Variants in DGKB observed in about 807,000 individuals in gnomAD.
DGKB encodes diacylglycerol kinase beta.
A neutral mutation model predicts 114.3 loss-of-function variants in DGKB; 67 were observed. The observed-to-expected ratio is 0.59, with a 90% confidence interval of 0.48 to 0.72. The LOEUF (loss-of-function observed/expected upper bound fraction) is 0.72. Ranked by LOEUF, DGKB falls within the 30% of genes least tolerant of loss-of-function variation. The probability of loss-of-function intolerance (pLI) is 0.00; values close to 1 mark genes in which losing one functional copy is unlikely to be tolerated. For missense variants in DGKB, 907 were observed against 975.2 expected, an observed-to-expected ratio of 0.93 and a Z score of 0.93; for synonymous variants, 398 against 323.1, an observed-to-expected ratio of 1.23 and a Z score of -2.49.
In DGKB at chr7:14,379,725, A is replaced by AT. The variant is rs539047920; in HGVS notation, c.1836-34335dup. On this transcript the variant is annotated intron_variant, in intron 21 of 25. Transcript: ENST00000402815. ...CAGGCACGTGCCACCACGCCAGCTA[A>AT]TTTTTTGTATTTTTAGTAGTGACGG... is the stretch of plus-strand genomic sequence containing the variant. 1.2e-4 allele frequency among the ~76,000 whole-genome samples: 19 copies of AT among 152,102 alleles called. 1 individual carries two copies. In the East Asian group the frequency reaches 1.6e-3, roughly 12 times the overall value.
At chr7:14,330,060 T>C (rs1200845545) in intron 23 of DGKB, among the ~76,000 whole-genome samples, 1 of 151,972 alleles carries the variant, frequency 6.6e-6, no homozygotes, top group Non-Finnish European at 1.5e-5. Flanking sequence ...ATTAAAGCAT[T>C]TGTATTTTCT....
intron 2 of DGKB, among the ~76,000 whole-genome samples, chr7:14,822,609 G>A (rs1845096867): frequency 6.6e-6 from 1 of 152,104 alleles, no homozygotes; most frequent in Non-Finnish European, 1.5e-5. Context: ...GAGTAGATAT[G>A]TTTGGTCAAG....
intron 17 of DGKB, among the ~76,000 whole-genome samples, chr7:14,586,909 G>A (rs910059744): frequency 2.0e-5 from 3 of 151,792 alleles, no homozygotes; most frequent in Non-Finnish European, 2.9e-5. Flanking sequence ...AATGTACCTG[G>A]TCACCCAATA....
intron 21 of DGKB, among the ~76,000 whole-genome samples, chr7:14,419,787 T>C (rs1019191765): frequency 6.6e-6 from 1 of 151,956 alleles, no homozygotes; most frequent in Non-Finnish European, 1.5e-5. Context: ...ATGTGACAAA[T>C]GAGTGTAAAA....
rs148596942 is a variant in DGKB at position 14,841,863 on chromosome 7, G to T, written c.-187-413C>A. On this transcript the variant is annotated intron_variant, in intron 1 of 25. Coordinates refer to ENST00000402815, the MANE Select transcript of DGKB (RefSeq NM_001350709.2). ...TCCAATCATATGAATTAATTTTGGA[G>T]AAGTCATATAATTTGTTCTAGCAAT... Among the ~76,000 whole-genome samples the T allele has an allele frequency of 3.0e-3, 458 of 152,248 alleles. 3 individuals are homozygous for T. Among genetic ancestry groups the T allele is most frequent in the Non-Finnish European group, 4.7e-3 (321 of 68,020 alleles).
At chr7:14,884,918 T>C (rs1338212617) in intron 1 of DGKB, among the ~76,000 whole-genome samples, 2 of 151,944 alleles carry the variant, frequency 1.3e-5, no homozygotes, top group Non-Finnish European at 2.9e-5. Context: ...AAGCCTGCTT[T>C]CCTTAAATCA....
chr7:14,371,637 G>T (rs917598592), intron 21 of DGKB, among the ~76,000 whole-genome samples: 1 of 151,926 alleles, frequency 6.6e-6, no homozygotes, highest in Non-Finnish European at 1.5e-5. Flanking sequence ...CCATCCTGTA[G>T]GTTGATAGTT....
intron 21 of DGKB, among the ~76,000 whole-genome samples, chr7:14,399,599 G>A (rs772438882): frequency 6.6e-5 from 10 of 151,924 alleles, no homozygotes; most frequent in Admixed American, 2.0e-4. Context: ...TATGTATAGT[G>A]ACTGTCCTAT....
intron 2 of DGKB, among the ~76,000 whole-genome samples, chr7:14,778,650 C>T (rs1379798359): frequency 6.6e-6 from 1 of 152,054 alleles, no homozygotes; most frequent in Non-Finnish European, 1.5e-5. Flanking sequence ...AGTTTACTAA[C>T]AGAAAAACAT....
In DGKB at chr7:14,148,107, A is replaced by G. The variant is rs1052303277; in HGVS notation, c.*1024T>C. ...ACCTATATTTATAAATGACTGAAAA[A>G]AGCAAGAAATCATCTATTGAGCTTT... On this transcript the variant is annotated 3_prime_UTR_variant, in exon 26 of 26. Coordinates refer to ENST00000402815, the MANE Select transcript of DGKB (RefSeq NM_001350709.2). 6.6e-6 allele frequency: 1 copy of G among 152,294 alleles called. No homozygotes were observed. Among genetic ancestry groups the G allele is most frequent in the African/African-American group, 2.4e-5 (1 of 41,440 alleles). The allele number at this position is 152,294 out of a possible 1,614,324, so 9.4% of individuals were successfully genotyped here.
chr7:14,169,237 C>T lies in DGKB; in HGVS notation c.2304+7602G>A, dbSNP rs528654215. ...AAAATTAGCCAGGTGTGGTGGCGGG[C>T]GCCTGTAGTCCCAGCTACTCGGGAG... On this transcript the variant is annotated intron_variant, in intron 25 of 25. Coordinates refer to ENST00000402815, the MANE Select transcript of DGKB (RefSeq NM_001350709.2). Among the ~76,000 whole-genome samples, 54 of 150,482 alleles carry T rather than the reference C, an allele frequency of 3.6e-4. 1 individual carries two copies. The highest frequency in any genetic ancestry group is 6.3e-4 in the South Asian group (3 of 4,766).
chr7:14,232,414 G>A (rs543001536), intron 23 of DGKB, among the ~76,000 whole-genome samples: 14 of 150,892 alleles, frequency 9.3e-5, no homozygotes, highest in Non-Finnish European at 1.9e-4. Context: ...GGGGTTAAAG[G>A]TTGGCTTATT....
chr7:14,302,450 A>G (rs1169130577), intron 23 of DGKB, among the ~76,000 whole-genome samples: 1 of 152,084 alleles, frequency 6.6e-6, no homozygotes, highest in African/African-American at 2.4e-5. Context: ...ATTACTCTGT[A>G]TTGAAAATAT....
At chr7:14,325,106 A>G (rs1262107761) in intron 23 of DGKB, among the ~76,000 whole-genome samples, 2 of 152,160 alleles carry the variant, frequency 1.3e-5, no homozygotes, top group Non-Finnish European at 2.9e-5. Flanking sequence ...CAATGTCATT[A>G]ATTTCTTAGT....
At chr7:14,627,267 G>A (rs1440031626) in intron 14 of DGKB, among the ~76,000 whole-genome samples, 1 of 152,058 alleles carries the variant, frequency 6.6e-6, no homozygotes. Flanking sequence ...GTCTTTTTGG[G>A]AGACGGGGGA....
At chr7:14,591,066 A>G (rs1196426000) in intron 17 of DGKB, among the ~76,000 whole-genome samples, 1 of 152,100 alleles carries the variant, frequency 6.6e-6, no homozygotes, top group Non-Finnish European at 1.5e-5. Context: ...GATAGAAGAC[A>G]AGTAAACTGA....
intron 4 of DGKB, chr7:14,750,225 T>A (rs762950542): frequency 1.6e-5 from 8 of 495,918 alleles, no homozygotes; most frequent in Non-Finnish European, 3.2e-5. Flanking sequence ...CATAATTTTC[T>A]AAACAGATTT....
intron 23 of DGKB, among the ~76,000 whole-genome samples, chr7:14,257,423 CTATGATGTGTGA>C (rs1239434950): frequency 1.3e-5 from 2 of 152,056 alleles, no homozygotes; most frequent in Non-Finnish European, 2.9e-5. Flanking sequence ...AACCAACGGA[CTATGATGTGTGA>C]TATGGTTTGG....
intron 1 of DGKB, among the ~76,000 whole-genome samples, chr7:14,849,189 C>CAA (rs1849021637): frequency 2.6e-5 from 4 of 152,114 alleles, no homozygotes; most frequent in South Asian, 2.1e-4. Flanking sequence ...GTATCCTGAA[C>CAA]TAGCAATAGT....
Sources: allele counts gnomAD v4.1 joint callset (sites outside exome capture counted in the v4.1 genomes callset), GRCh38; gene constraint gnomAD v4.1.1; transcripts MANE v1.5; gene names NCBI Gene and HGNC (gene_info 2026-07-23, HGNC 2026-07-21).